The following FRMD4A variants were observed in gnomAD, a reference collection of about 807,000 sequenced individuals.
The protein encoded by FRMD4A is FERM domain containing 4A.
Under a neutral mutation model 129.1 loss-of-function variants are expected in FRMD4A, and 29 were observed. The observed-to-expected ratio is 0.22, with a 90% CI of 0.17 to 0.31. FRMD4A has a LOEUF of 0.31. Ranked by LOEUF, FRMD4A falls within the 10% of genes least tolerant of loss-of-function variation. The pLI is 1.00. For missense variants in FRMD4A, 1,272 were observed against 1,375.8 expected (o/e 0.92, Z 1.19); for synonymous variants, 634 against 571.6 (o/e 1.11, Z -1.56).
At chr10:14,099,244 G>C (rs1837169374) in intron 2 of FRMD4A, among the ~76,000 whole-genome samples, 3 of 152,148 alleles carry the variant, frequency 2.0e-5, no homozygotes. Context: ...TCCTAGTCCT[G>C]ATATAATTCC....
At chr10:13,908,319 C>G (rs2094905155) in intron 2 of FRMD4A, among the ~76,000 whole-genome samples, 1 of 152,180 alleles carries the variant, frequency 6.6e-6, no homozygotes, top group African/African-American at 2.4e-5. Flanking sequence ...CCTTCCCTCC[C>G]CATTCCCTCC....
At chr10:13,796,333 C>A (rs1228429149) in intron 5 of FRMD4A, among the ~76,000 whole-genome samples, 163 bp downstream of exon 5, 1 of 152,140 alleles carries the variant, frequency 6.6e-6, no homozygotes, top group Non-Finnish European at 1.5e-5. Context: ...ACCCTCGCAC[C>A]CCGCCTTTCC....
chr10:14,140,529 C>T (rs372638367), intron 2 of FRMD4A, among the ~76,000 whole-genome samples: 5 of 152,294 alleles, frequency 3.3e-5, no homozygotes, highest in East Asian at 3.9e-4. Context: ...AAATGGTACA[C>T]GACCTTTCCA....
chr10:13,839,682 C>T (rs2093932333), intron 3 of FRMD4A, among the ~76,000 whole-genome samples: 1 of 152,186 alleles, frequency 6.6e-6, no homozygotes, highest in South Asian at 2.1e-4. Context: ...CAAGCCAGGC[C>T]CACATCATAG....
chr10:14,229,469 C>T (rs1461897227), intron 2 of FRMD4A, among the ~76,000 whole-genome samples: 1 of 152,138 alleles, frequency 6.6e-6, no homozygotes, highest in African/African-American at 2.4e-5. Context: ...TGTACTCTTA[C>T]AAAATAAATT....
At chr10:14,137,509 G>A (rs754010850) in intron 2 of FRMD4A, among the ~76,000 whole-genome samples, 2 of 152,250 alleles carry the variant, frequency 1.3e-5, no homozygotes, top group Non-Finnish European at 1.5e-5. Flanking sequence ...AATGCTATCA[G>A]CACATACTGA....
intron 2 of FRMD4A, among the ~76,000 whole-genome samples, chr10:13,940,591 G>A (rs1173480055): frequency 6.6e-6 from 1 of 152,146 alleles, no homozygotes; most frequent in East Asian, 1.9e-4. Context: ...TCCGTGCTAT[G>A]AGCCTGCAAC....
At position 13,875,582 on chromosome 10, in the gene FRMD4A, G is replaced by T. The variant is rs377509471; in HGVS notation, c.46-16670C>A. Among the ~76,000 whole-genome samples, 402 of 152,292 alleles carry T rather than the reference G, an allele frequency of 2.6e-3. 2 individuals are homozygous for T. The highest frequency in any genetic ancestry group is 9.0e-3 in the African/African-American group (376 of 41,566). ...CATCGGAATAAGGGAATTAAGAGGT[G>T]CCCTGCATTCTACTGTGGTTAAACT... is the stretch of plus-strand genomic sequence containing the variant. On this transcript the variant is annotated intron_variant, in intron 2 of 24. Transcript: ENST00000357447.
intron 2 of FRMD4A, among the ~76,000 whole-genome samples, chr10:14,087,253 A>G (rs952915080): frequency 1.4e-5 from 2 of 147,530 alleles, no homozygotes; most frequent in African/African-American, 4.9e-5. Flanking sequence ...TAAAAATTAT[A>G]TTTATAAAAT....
At chr10:13,991,007 C>A (rs987827941) in intron 2 of FRMD4A, among the ~76,000 whole-genome samples, 1 of 152,166 alleles carries the variant, frequency 6.6e-6, no homozygotes, top group Admixed American at 6.5e-5. Flanking sequence ...GAGGTGCATT[C>A]GGAGCCAGAA....
At chr10:13,915,055 A>G (rs542622421) in intron 2 of FRMD4A, among the ~76,000 whole-genome samples, 54 of 152,218 alleles carry the variant, frequency 3.5e-4, no homozygotes, top group African/African-American at 1.3e-3. Flanking sequence ...AACCACAACA[A>G]ACCACAGTGT....
At position 14,154,709 on chromosome 10, in the gene FRMD4A, C is replaced by T. The variant is rs940697230; in HGVS notation, c.45+175349G>A. Reference sequence around the variant, plus strand: ...TAGCATGAATATGTTTCTGACTCCTCTTCTGTGGGTTCTTTTGAGATTGGC... The same window carrying T: ...TAGCATGAATATGTTTCTGACTCCTTTTCTGTGGGTTCTTTTGAGATTGGC... On this transcript the variant is annotated intron_variant, in intron 2 of 24. Coordinates refer to ENST00000357447, the MANE Select transcript of FRMD4A (RefSeq NM_018027.5). 4.6e-5 allele frequency among the ~76,000 whole-genome samples: 7 copies of T among 152,288 alleles called. No individual in the cohort carries two copies. The East Asian group carries it at 7.7e-4, about 17-fold the overall frequency.
At chr10:13,902,820 A>G (rs2094836262) in intron 2 of FRMD4A, among the ~76,000 whole-genome samples, 1 of 148,588 alleles carries the variant, frequency 6.7e-6, no homozygotes. Flanking sequence ...AGCCTGGATG[A>G]CAGAGTGAGA....
chr10:14,204,339 G>A (rs1406115169), intron 2 of FRMD4A, among the ~76,000 whole-genome samples: 2 of 152,006 alleles, frequency 1.3e-5, no homozygotes, highest in Non-Finnish European at 2.9e-5. Context: ...TGAGGTAGGA[G>A]AATCACTGAG....
chr10:13,884,201 CACACACTCACACACA>C (rs2094589146), intron 2 of FRMD4A, among the ~76,000 whole-genome samples: 1 of 52,114 alleles, frequency 1.9e-5, no homozygotes, highest in Non-Finnish European at 4.1e-5. Flanking sequence ...CACACTCACA[CACACACTCACACACA>C]CACACACACA....
intron 9 of FRMD4A, among the ~76,000 whole-genome samples, chr10:13,743,415 G>C (rs2091120049): frequency 6.6e-6 from 1 of 152,132 alleles, no homozygotes; most frequent in South Asian, 2.1e-4. Flanking sequence ...CCTAGATCCA[G>C]GGTCAAGCAA....
At chr10:14,330,276 G>C (rs1843465883) in intron 1 of FRMD4A, 93 bp from the exon 2 acceptor site, 1 of 638,912 alleles carries the variant, frequency 1.6e-6, no homozygotes, top group Non-Finnish European at 2.8e-6. Context: ...AGGAGGTCAG[G>C]GAAGACAGGG....
chr10:13,826,342 C>A (rs963408863), intron 3 of FRMD4A, among the ~76,000 whole-genome samples: 4 of 152,186 alleles, frequency 2.6e-5, no homozygotes, highest in African/African-American at 9.7e-5. Flanking sequence ...GAACGCAGGC[C>A]ACTTCCCTTG....
chr10:14,174,866 AGTGTGTGTGTGTCTGTGTGTGTGT>A (rs754500277), intron 2 of FRMD4A, among the ~76,000 whole-genome samples: 27 of 139,524 alleles, frequency 1.9e-4, no homozygotes, highest in Non-Finnish European at 3.7e-4. Context: ...TAAAAAAAAA[AGTGTGTGTGTGTCTGTGTGTGTGT>A]GTGTGTGTGT....
Sources: gnomAD v4.1 joint callset for allele counts (sites outside exome capture counted in the v4.1 genomes callset) on GRCh38, gnomAD v4.1.1 for gene constraint, MANE v1.5 for transcripts, NCBI Gene and HGNC (gene_info 2026-07-23, HGNC 2026-07-21) for gene names.